SACS: variants seen among roughly 807,000 people sequenced by gnomAD.
SACS encodes the protein sacsin.
Under a neutral mutation model 348.0 loss-of-function variants are expected in SACS, and 197 were observed. That is an observed-to-expected ratio of 0.57 (90% confidence interval 0.50 to 0.64). The LOEUF is 0.64. Among genes scored for constraint, SACS ranks in the 30% least tolerant of loss-of-function variants. SACS has a pLI of 0.00. For synonymous variants in SACS, 1,985 were observed against 1,910.6 expected, an observed-to-expected ratio of 1.04 and a Z score of -1.02; for missense variants, 4,999 against 5,360.8, an observed-to-expected ratio of 0.93 and a Z score of 2.11.
chr13:23,426,370 G>A (rs1214810782), intron 1 of SACS, among the ~76,000 whole-genome samples: 1 of 152,190 alleles, frequency 6.6e-6, no homozygotes, highest in Non-Finnish European at 1.5e-5. Flanking sequence ...GCCAGGTGCA[G>A]TGGCCCACGC....
intron 2 of SACS, among the ~76,000 whole-genome samples, chr13:23,376,452 T>C (rs1458110533): frequency 2.0e-5 from 3 of 152,180 alleles, no homozygotes; most frequent in Non-Finnish European, 4.4e-5. Flanking sequence ...TAAACTTGTG[T>C]GCTCCTTATT....
In SACS at chr13:23,371,143, C is replaced by T. The variant is rs200306229; in HGVS notation, c.194G>A (p.Gly65Glu). The T allele has an allele frequency of 6.2e-7, 1 of 1,611,184 alleles. No individual in the cohort carries two copies. Among genetic ancestry groups the T allele is most frequent in the African/African-American group, 1.3e-5 (1 of 74,962 alleles). The change falls in exon 4 of 10, where the codon GGA becomes GAA. Residue 65 changes from glycine (G) to glutamate (E), a missense_variant. This residue lies in a region of SACS where 3,156 missense variants were observed against 3,380.1 expected (regional missense o/e 0.93). Coordinates refer to ENST00000382292, the MANE Select transcript of SACS (RefSeq NM_014363.6). ...ATGACAATTTTTGGAAGTCAGATCT[C>T]CAATCTTGATCCAGTCAGATAACTG... Reference protein sequence around the residue: ...GRELSDWIKIGDLTSKNCHLF... With the variant: ...GRELSDWIKIEDLTSKNCHLF...
At position 23,336,397 on chromosome 13, in the gene SACS, T is replaced by G; in HGVS notation, c.7479A>C (p.Ala2493=). ...YCHADIPREV[A]VKLGAVPKRH... is the part of the protein sequence containing the mutation. ...GCTTTGGGACTGCTCCTAGTTTTAC[T>G]GCTACTTCCCTGGGTATGTCAGCAT... Residue 2493 remains alanine, a synonymous_variant, in exon 10 of 10, where the codon GCA becomes GCC. Coordinates refer to ENST00000382292, the MANE Select transcript of SACS (RefSeq NM_014363.6). 1 of 1,614,116 alleles carries G rather than the reference T, an allele frequency of 6.2e-7. No individual in the cohort carries two copies. Among genetic ancestry groups the G allele is most frequent in the Non-Finnish European group, 8.5e-7 (1 of 1,179,942 alleles).
Position 23,332,353 on chromosome 13 carries a change from G to C in SACS, c.11523C>G (p.His3841Gln), listed in dbSNP as rs1291033781. ...TTGAAATAATATCTTCAGTACCTAA[G>C]TGTTTGAACAACTGGTGAAATGTGC... The part of the protein sequence containing the change: ...ELGTFHQLFK[H>Q]LGTEDIISTK... Residue 3841 changes from histidine to glutamine, a missense_variant, in exon 10 of 10, where the codon CAC becomes CAG. Physicochemically the swap from His to Gln is conservative, Grantham distance 24 (BLOSUM62 0). Around this residue, in one of 6 missense-constraint regions of SACS, gnomAD observed 831 missense variants for 941.8 expected, o/e 0.88. Transcript: ENST00000382292. 6.2e-7 allele frequency: 1 copy of C among 1,613,934 alleles called. No individual in the cohort carries two copies. The highest frequency in any genetic ancestry group is 1.1e-5 in the South Asian group (1 of 91,076).
At chr13:23,394,505 T>A (rs902638498) in intron 2 of SACS, among the ~76,000 whole-genome samples, 1 of 152,196 alleles carries the variant, frequency 6.6e-6, no homozygotes, top group African/African-American at 2.4e-5. Flanking sequence ...TTTAAACAAA[T>A]GTCAGAATAA....
At chr13:23,368,989 A>G (rs187386079) in intron 4 of SACS, among the ~76,000 whole-genome samples, 99 of 152,330 alleles carry the variant, frequency 6.5e-4, no homozygotes, top group Middle Eastern at 3.4e-3. Flanking sequence ...GTGAGCCACC[A>G]TGCCTGGCCT....
chr13:23,366,333 T>C (rs936038592), intron 5 of SACS, among the ~76,000 whole-genome samples: 2 of 152,206 alleles, frequency 1.3e-5, no homozygotes, highest in African/African-American at 4.8e-5. Flanking sequence ...CCCAAAGGGC[T>C]GGAGTGTGGT....
chr13:23,345,455 C>G (rs946194194), intron 9 of SACS, among the ~76,000 whole-genome samples: 3 of 152,172 alleles, frequency 2.0e-5, no homozygotes, highest in African/African-American at 7.2e-5. Flanking sequence ...AACATTAGCC[C>G]CAGTGACCAC....
chr13:23,341,073 C>A lies in SACS; in HGVS notation c.2803G>T (p.Asp935Tyr), dbSNP rs1055904588. Reference protein sequence around the residue: ...AIFKRINHSSDQGISSYTKLK... With the variant: ...AIFKRINHSSYQGISSYTKLK... Reference sequence around the variant, plus strand: ...TTTGTATAAGAGGAAATTCCCTGATCAGAAGAATGGTTAATGCGCTTGAAT... The same window carrying A: ...TTTGTATAAGAGGAAATTCCCTGATAAGAAGAATGGTTAATGCGCTTGAAT... Residue 935 changes from aspartate to tyrosine, a missense_variant, in exon 10 of 10, where the codon GAT becomes TAT. Physicochemically the swap from Asp to Tyr is radical, Grantham distance 160. This residue lies in a region of SACS where 3,156 missense variants were observed against 3,380.1 expected (regional missense o/e 0.93). Transcript: ENST00000382292. 1.2e-6 allele frequency: 2 copies of A among 1,613,936 alleles called. No homozygotes were observed. The highest frequency in any genetic ancestry group is 1.7e-6 in the Non-Finnish European group (2 of 1,180,022).
intron 1 of SACS, among the ~76,000 whole-genome samples, chr13:23,422,024 G>A (rs746066686): frequency 6.6e-5 from 10 of 152,070 alleles, no homozygotes; most frequent in Non-Finnish European, 5.9e-5. Flanking sequence ...CGGCCTGGGC[G>A]TCCACCTATG....
intron 8 of SACS, 30 bp downstream of exon 8, chr13:23,354,489 G>A (rs759871867): frequency 6.3e-7 from 1 of 1,596,316 alleles, no homozygotes; most frequent in Non-Finnish European, 8.6e-7. Flanking sequence ...CCCTAAGAGT[G>A]AACAGGAATG....
chr13:23,369,959 A>G (rs1871284253), intron 4 of SACS, among the ~76,000 whole-genome samples: 1 of 151,912 alleles, frequency 6.6e-6, no homozygotes, highest in Admixed American at 6.6e-5. Flanking sequence ...TCCAGGTTCA[A>G]GCGATTCTTC....
intron 2 of SACS, among the ~76,000 whole-genome samples, chr13:23,404,989 G>A (rs1166536324): frequency 1.3e-5 from 2 of 151,990 alleles, no homozygotes; most frequent in Non-Finnish European, 2.9e-5. Context: ...ACTGCCCAAA[G>A]TAATTTATAG....
intron 2 of SACS, among the ~76,000 whole-genome samples, chr13:23,375,810 A>G (rs1871768722): frequency 1.4e-5 from 2 of 147,244 alleles, no homozygotes; most frequent in Non-Finnish European, 3.0e-5. Flanking sequence ...CGCCTCTGCC[A>G]GAAGGCAAAC....
chr13:23,336,915 T>C lies in SACS; in HGVS notation c.6961A>G (p.Lys2321Glu). ...YQENITNACY[K>E]YLHEALMQNE... ...TGCATCAAGGCTTCATGAAGGTATT[T>C]GTAGCAAGCATTGGTGATATTCTCC... The change falls in exon 10 of 10, where the codon AAA becomes GAA. Residue 2321 changes from lysine (K) to glutamate (E), a missense_variant. Transcript: ENST00000382292. 1 of 1,613,952 alleles carries C rather than the reference T, an allele frequency of 6.2e-7. No homozygotes were observed. Among genetic ancestry groups the C allele is most frequent in the Non-Finnish European group, 8.5e-7 (1 of 1,179,832 alleles).
At chr13:23,359,137 G>A (rs1346650565) in intron 6 of SACS, among the ~76,000 whole-genome samples, 8 of 151,934 alleles carry the variant, frequency 5.3e-5, no homozygotes, top group Admixed American at 2.6e-4. Flanking sequence ...AGCCGAGATC[G>A]CGCCACCGCA....
chr13:23,331,962 G>C lies in SACS; in HGVS notation c.11914C>G (p.Arg3972Gly), dbSNP rs781491486. The C allele has an allele frequency of 1.2e-6, 2 of 1,613,862 alleles. No homozygotes were observed. Among genetic ancestry groups the C allele is most frequent in the Non-Finnish European group, 8.5e-7 (1 of 1,179,960 alleles). ...IMLFPQKLRP[R>G]LLSSILEEQL... ...TCTTCAAGTATACTGCTCAATAATC[G>C]AGGTCTAAGTTTTTGAGGAAAGAGC... The change falls in exon 10 of 10, where the codon CGA (arginine) becomes GGA (glycine). Residue 3972 changes from arginine to glycine, a missense_variant. Arg to Gly is a moderately radical substitution (Grantham distance 125). Coordinates refer to ENST00000382292, the MANE Select transcript of SACS (RefSeq NM_014363.6).
In SACS at chr13:23,335,801, A is replaced by C; in HGVS notation, c.8075T>G (p.Leu2692Arg). 6.2e-7 allele frequency: 1 copy of C among 1,614,032 alleles called. No individual in the cohort carries two copies. The highest frequency in any genetic ancestry group is 8.5e-7 in the Non-Finnish European group (1 of 1,179,922). The change falls in exon 10 of 10, where the codon CTG (leucine) becomes CGG (arginine). Residue 2692 changes from leucine (L) to arginine (R), a missense_variant. By Grantham distance (102) the Leu-to-Arg change is moderately radical. This residue lies in a region of SACS where 3,156 missense variants were observed against 3,380.1 expected (regional missense o/e 0.93). Coordinates refer to ENST00000382292, the MANE Select transcript of SACS (RefSeq NM_014363.6). The surrounding 1 kb of genome is among the most constrained non-coding windows in gnomAD (Gnocchi z 4.7). ...LDLYLGTHFK[L>R]DNCTMFRFPL... ...AAATCTGAACATTGTGCAATTATCC[A>C]GTTTAAAATGGGTTCCCAGATAAAG...
In SACS at chr13:23,338,459, T is replaced by A. The variant is rs771519272; in HGVS notation, c.5417A>T (p.Asp1806Val). Reference sequence around the variant, plus strand: ...CTCTACTGTTTTCTGTGACAACTCATCTGATGGCTTTTTTGATTGGCCAGA... The same window carrying A: ...CTCTACTGTTTTCTGTGACAACTCAACTGATGGCTTTTTTGATTGGCCAGA... ...AKSGQSKKPSDELSQKTVECT... is the reference protein window; with the variant it reads ...AKSGQSKKPSVELSQKTVECT... The change falls in exon 10 of 10, where the codon GAT becomes GTT. Residue 1806 changes from aspartate (D) to valine (V), a missense_variant. Physicochemically the swap from Asp to Val is radical, Grantham distance 152. This residue lies in a region of SACS where 3,156 missense variants were observed against 3,380.1 expected (regional missense o/e 0.93). Coordinates refer to ENST00000382292, the MANE Select transcript of SACS (RefSeq NM_014363.6). 1 of 1,614,146 alleles carries A rather than the reference T, an allele frequency of 6.2e-7. No individual in the cohort carries two copies. The highest frequency in any genetic ancestry group is 2.2e-5 in the East Asian group (1 of 44,870).
Sources: gnomAD v4.1 joint callset for allele counts (sites outside exome capture counted in the v4.1 genomes callset) on GRCh38, gnomAD v4.1.1 for gene constraint, gnomAD v4.1.1 regional missense constraint, Gnocchi (gnomAD v3.1) non-coding constraint, MANE v1.5 for transcripts, NCBI Gene and HGNC (gene_info 2026-07-23, HGNC 2026-07-21) for gene names.